AKAP19: variants seen among roughly 807,000 people sequenced by gnomAD.
The protein encoded by AKAP19 is A-kinase anchoring protein 19.
the AKAP19 span, among the ~76,000 whole-genome samples, chr2:189,965,973 T>G: frequency 6.6e-6 from 1 of 152,062 alleles, no homozygotes; most frequent in Non-Finnish European, 1.5e-5. Flanking sequence ...TGTGTGTGTA[T>G]GTGTATATAT....
At chr2:190,152,406 G>C in the AKAP19 span, among the ~76,000 whole-genome samples, 1 of 152,050 alleles carries the variant, frequency 6.6e-6, no homozygotes, top group Non-Finnish European at 1.5e-5. Flanking sequence ...TCTTAACTTT[G>C]ATTTGGCATG....
chr2:189,900,481 C>T, the AKAP19 span, among the ~76,000 whole-genome samples: 1 of 151,972 alleles, frequency 6.6e-6, no homozygotes, highest in Admixed American at 6.6e-5. Flanking sequence ...AATAAAATAT[C>T]CAAATAAAAT....
the AKAP19 span, among the ~76,000 whole-genome samples, chr2:189,925,757 T>C: frequency 5.8e-3 from 875 of 152,110 alleles, 6 homozygotes; most frequent in Non-Finnish European, 9.0e-3. Context: ...TTTTGAGAAA[T>C]GTCAGTAAAG....
At chr2:190,124,321 G>A in the AKAP19 span, among the ~76,000 whole-genome samples, 2 of 152,158 alleles carry the variant, frequency 1.3e-5, no homozygotes, top group African/African-American at 4.8e-5. Flanking sequence ...AAACCTAGAT[G>A]GTGTAGCCTA....
chr2:190,132,765 A>G, the AKAP19 span, among the ~76,000 whole-genome samples: 1 of 152,188 alleles, frequency 6.6e-6, no homozygotes, highest in African/African-American at 2.4e-5. Flanking sequence ...CACAAGCAAC[A>G]AAAGCAAAAA....
At chr2:189,886,628 G>A in the AKAP19 span, among the ~76,000 whole-genome samples, 22 of 152,248 alleles carry the variant, frequency 1.4e-4, no homozygotes, top group Non-Finnish European at 1.5e-4. Context: ...ATAAATAAAC[G>A]TCATATCAGC....
chr2:189,895,643 G>A, the AKAP19 span, among the ~76,000 whole-genome samples: 1 of 152,054 alleles, frequency 6.6e-6, no homozygotes, highest in Non-Finnish European at 1.5e-5. Flanking sequence ...AAGCATCATG[G>A]GAAATAGGAT....
chr2:189,993,405 T>C, the AKAP19 span, among the ~76,000 whole-genome samples: 1 of 152,210 alleles, frequency 6.6e-6, no homozygotes, highest in Non-Finnish European at 1.5e-5. Context: ...TGCTATTAGA[T>C]TCAGTTAGCT....
the AKAP19 span, among the ~76,000 whole-genome samples, chr2:189,939,892 T>C: frequency 6.6e-6 from 1 of 152,148 alleles, no homozygotes; most frequent in Non-Finnish European, 1.5e-5. Context: ...ACACCTGTGG[T>C]ACCAGCAATT....
the AKAP19 span, among the ~76,000 whole-genome samples, chr2:190,175,301 C>T: frequency 6.6e-6 from 1 of 152,068 alleles, no homozygotes; most frequent in Non-Finnish European, 1.5e-5. Flanking sequence ...CATCAGTAAA[C>T]TTAAAGACCA....
the AKAP19 span, chr2:189,930,949 G>T: frequency 7.6e-6 from 6 of 789,252 alleles, no homozygotes; most frequent in Admixed American, 6.4e-5. Context: ...AGCCCAGTCG[G>T]ACTGAGACTC....
the AKAP19 span, among the ~76,000 whole-genome samples, chr2:190,135,355 C>G: frequency 6.6e-6 from 1 of 152,162 alleles, no homozygotes; most frequent in Non-Finnish European, 1.5e-5. Context: ...TGTAGAATCT[C>G]AGCCTTCATC....
the AKAP19 span, chr2:190,062,072 T>C: frequency 1.2e-6 from 1 of 812,338 alleles, no homozygotes; most frequent in Non-Finnish European, 1.9e-6. Context: ...TAATATATTC[T>C]CATGCAATCT....
At chr2:190,066,867 A>T in the AKAP19 span, among the ~76,000 whole-genome samples, 3 of 152,170 alleles carry the variant, frequency 2.0e-5, no homozygotes, top group Non-Finnish European at 1.5e-5. Flanking sequence ...CCTATTTTGT[A>T]CCTGGCACTA....
the AKAP19 span, among the ~76,000 whole-genome samples, chr2:190,101,934 GACC>G: frequency 1.3e-5 from 2 of 152,076 alleles, no homozygotes; most frequent in Non-Finnish European, 2.9e-5. Context: ...CTCCAAGGTT[GACC>G]ACATGCTCTG....
the AKAP19 span, among the ~76,000 whole-genome samples, chr2:189,988,007 G>T: frequency 6.6e-6 from 1 of 152,022 alleles, no homozygotes; most frequent in Non-Finnish European, 1.5e-5. Flanking sequence ...GGATGGGGGT[G>T]GTGGCGGGGG....
chr2:190,138,889 T>G, the AKAP19 span, among the ~76,000 whole-genome samples: 2 of 152,228 alleles, frequency 1.3e-5, no homozygotes, highest in South Asian at 4.1e-4. Context: ...ACGTAGACCC[T>G]TATTTGGGGA....
chr2:190,013,816 A>G, the AKAP19 span, among the ~76,000 whole-genome samples: 1 of 151,922 alleles, frequency 6.6e-6, no homozygotes, highest in Non-Finnish European at 1.5e-5. Flanking sequence ...CCACACCTGG[A>G]CTTCTCTTTA....
At chr2:189,942,924 G>A in the AKAP19 span, among the ~76,000 whole-genome samples, 3,692 of 152,276 alleles carry the variant, frequency 0.024, 137 homozygotes, top group East Asian at 0.14. Context: ...TAGGAGCAAA[G>A]GAATGACTGA....
Sources: allele counts gnomAD v4.1 joint callset (sites outside exome capture counted in the v4.1 genomes callset), GRCh38; gene constraint gnomAD v4.1.1; transcripts MANE v1.5; gene names NCBI Gene and HGNC (gene_info 2026-07-23, HGNC 2026-07-21).